The following GC variants were observed in gnomAD, a reference collection of about 807,000 sequenced individuals.
GC encodes GC vitamin D binding protein.
In GC, 43 loss-of-function variants were observed where a neutral mutation model predicts 56.7. The ratio of observed to expected loss-of-function variants is 0.76; its 90% CI spans 0.59 to 0.98. The LOEUF is 0.98. Ranked by LOEUF, GC falls within the 50% of genes least tolerant of loss-of-function variation. The pLI is 0.00. For synonymous variants in GC, 216 were observed against 202.7 expected (o/e 1.07, Z -0.56); for missense variants, 529 against 545.9 (o/e 0.97, Z 0.31).
At chr4:71,784,186 G>A (rs1742774279), upstream of GC, 3 of 1,304,024 alleles carry the variant, frequency 2.3e-6, no homozygotes, top group South Asian at 5.1e-5. Context: ...GAAGCAAGGG[G>A]CTGTTATCTT....
chr4:71,755,174 A>ATTTATTTT (rs1424794428), intron 8 of GC, 67 bp from the exon 9 acceptor site: 28 of 766,546 alleles, frequency 3.7e-5, no homozygotes, highest in Admixed American at 9.3e-5. Context: ...TTATTTATTT[A>ATTTATTTT]TTTTTTGTGA....
At chr4:71,801,737 T>C (rs1489844312) in intron 1 of GC, among the ~76,000 whole-genome samples, 2 of 151,680 alleles carry the variant, frequency 1.3e-5, no homozygotes, top group Non-Finnish European at 2.9e-5. Context: ...ATAATAATAA[T>C]GAAGCAATTA....
chr4:71,782,039 G>C (rs929799514), intron 1 of GC, among the ~76,000 whole-genome samples: 1 of 151,606 alleles, frequency 6.6e-6, no homozygotes, highest in African/African-American at 2.4e-5. Flanking sequence ...GGACGACAAA[G>C]GCATGAATTG....
At chr4:71,786,917 T>C (rs1742853207), upstream of GC, among the ~76,000 whole-genome samples, 1 of 151,852 alleles carries the variant, frequency 6.6e-6, no homozygotes, top group Non-Finnish European at 1.5e-5. Flanking sequence ...CTTTTCCTGA[T>C]AAATGACCTG....
intron 1 of GC, among the ~76,000 whole-genome samples, chr4:71,778,891 G>GTTATTGTTATTA (rs71213587): frequency 0.17 from 24,863 of 143,062 alleles, 2,723 homozygotes; most frequent in East Asian, 0.29. Flanking sequence ...ATTGCTGTCA[G>GTTATTGTTATTA]TTATTATTAT....
At chr4:71,749,835 T>C (rs1741489151) in intron 11 of GC, among the ~76,000 whole-genome samples, 1 of 152,198 alleles carries the variant, frequency 6.6e-6, no homozygotes, top group Non-Finnish European at 1.5e-5. Flanking sequence ...AAGGCTTTTA[T>C]TCTACCGTAC....
intron 1 of GC, among the ~76,000 whole-genome samples, chr4:71,782,699 A>G (rs1253962652): frequency 1.3e-5 from 2 of 151,810 alleles, no homozygotes; most frequent in Non-Finnish European, 1.5e-5. Context: ...GCCTCCATAT[A>G]TAATTCCAAT....
At chr4:71,751,814 A>AT (rs1289246048) in intron 11 of GC, among the ~76,000 whole-genome samples, 1 of 151,624 alleles carries the variant, frequency 6.6e-6, no homozygotes, top group African/African-American at 2.4e-5. Context: ...GAGACAATTG[A>AT]TAGTGTCTAA....
intron 12 of GC, among the ~76,000 whole-genome samples, chr4:71,742,842 C>T (rs1286331496): frequency 1.3e-5 from 2 of 152,216 alleles, no homozygotes; most frequent in Admixed American, 6.5e-5. Flanking sequence ...GGCGTGGTGG[C>T]GGGCAACTGT....
At chr4:71,752,411 G>A (rs1741585159) in intron 11 of GC, 107 bp downstream of exon 11, 1 of 850,732 alleles carries the variant, frequency 1.2e-6, no homozygotes, top group Non-Finnish European at 1.8e-6. Flanking sequence ...ACCAGGAAAA[G>A]CCTGTCACAT....
chr4:71,800,235 T>C (rs901103239), intron 1 of GC, among the ~76,000 whole-genome samples: 4 of 152,080 alleles, frequency 2.6e-5, no homozygotes, highest in African/African-American at 9.7e-5. Context: ...CTCCCTCCCC[T>C]CACCCTCCCT....
intron 1 of GC, among the ~76,000 whole-genome samples, chr4:71,778,875 C>G (rs780695473): frequency 8.8e-6 from 1 of 114,078 alleles, no homozygotes; most frequent in African/African-American, 3.1e-5. Flanking sequence ...CCTCAGGAAA[C>G]AGAATATTGC....
intron 1 of GC, among the ~76,000 whole-genome samples, chr4:71,792,006 T>C (rs1254247971): frequency 6.6e-6 from 1 of 152,226 alleles, no homozygotes; most frequent in Non-Finnish European, 1.5e-5. Context: ...CATCCTTTTT[T>C]ATGGCTGCAT....
At position 71,768,360 on chromosome 4, in the gene GC, C is replaced by A. The variant is rs1374425800; in HGVS notation, c.202G>T (p.Val68Phe). The A allele has an allele frequency of 1.2e-6, 2 of 1,613,352 alleles. No individual in the cohort carries two copies. The highest frequency in any genetic ancestry group is 1.7e-6 in the Non-Finnish European group (2 of 1,179,646). The change falls in exon 3 of 13, where the codon GTC (valine) becomes TTC (phenylalanine). Residue 68 changes from valine (V) to phenylalanine (F), a missense_variant. Physicochemically the swap from Val to Phe is conservative, Grantham distance 50. Transcript: ENST00000273951. ...EQVSQLVKEV[V>F]SLTEACCAEG... is the part of the protein sequence containing the mutation. ...GCACAGCAGGCTTCGGTCAAGGAGA[C>A]AACTTCCTTCACAAGTTGGCTGACC... is the stretch of plus-strand genomic sequence containing the variant.
intron 11 of GC, among the ~76,000 whole-genome samples, chr4:71,750,873 G>C (rs1052523056): frequency 2.8e-5 from 4 of 142,936 alleles, no homozygotes; most frequent in African/African-American, 1.1e-4. Context: ...TGACAGAACG[G>C]GACTTCATCT....
rs547649443 is a variant in GC at position 71,756,973 on chromosome 4, A to T, written c.832-59T>A. 182 of 1,155,724 alleles carry T rather than the reference A, an allele frequency of 1.6e-4. 2 individuals are homozygous for T. The East Asian group carries it at 4.3e-3, about 27-fold the overall frequency. 71.6% of individuals were successfully genotyped at this position (1,155,724 alleles called of 1,614,324 possible). ...GTTTCCTGATAGTCTAATTAAAAAT[A>T]AGAATTACATAGGCTTACAAGCTTT... On this transcript the variant is annotated intron_variant, in intron 7 of 12. Transcript: ENST00000273951.
chr4:71,771,794 T>G (rs2149303011), intron 1 of GC, among the ~76,000 whole-genome samples: 1 of 152,292 alleles, frequency 6.6e-6, no homozygotes, highest in Non-Finnish European at 1.5e-5. Context: ...GGCAGAAAAC[T>G]TCCATTAATC....
chr4:71,764,115 G>A lies in GC; in HGVS notation c.474-179C>T, dbSNP rs371526795. Among the ~76,000 whole-genome samples, 14 of 152,206 alleles carry A rather than the reference G, an allele frequency of 9.2e-5. No individual in the cohort carries two copies. In the East Asian group the frequency reaches 2.1e-3, roughly 23 times the overall value. On this transcript the variant is annotated intron_variant, in intron 4 of 12. Transcript: ENST00000273951. ...TCCTGCTTCAGCTTCCTGAGTAGCT[G>A]GGACTACAGGTGCATGCCACCATGC...
chr4:71,760,211 T>A (rs1578292190), intron 6 of GC, among the ~76,000 whole-genome samples: 1 of 117,588 alleles, frequency 8.5e-6, no homozygotes, highest in Non-Finnish European at 1.6e-5. Flanking sequence ...GCCTGGCTAA[T>A]TTTTTTTTTT....
Sources: allele counts gnomAD v4.1 joint callset (sites outside exome capture counted in the v4.1 genomes callset), GRCh38; gene constraint gnomAD v4.1.1; transcripts MANE v1.5; gene names NCBI Gene and HGNC (gene_info 2026-07-23, HGNC 2026-07-21).